PRPSAP2: variants seen among roughly 807,000 people sequenced by gnomAD.
PRPSAP2 encodes phosphoribosyl pyrophosphate synthase-associated protein 2.
Under a neutral mutation model 40.6 loss-of-function variants are expected in PRPSAP2, and 24 were observed. The observed-to-expected ratio is 0.59, with a 90% CI of 0.43 to 0.83. PRPSAP2 has a LOEUF of 0.83. Ranked by LOEUF, PRPSAP2 falls within the 40% of genes least tolerant of loss-of-function variation. PRPSAP2 has a pLI of 0.00. For missense variants in PRPSAP2, 292 were observed against 465.6 expected, an observed-to-expected ratio of 0.63 and a Z score of 3.43; for synonymous variants, 149 against 164.7, an observed-to-expected ratio of 0.90 and a Z score of 0.73.
intron 5 of PRPSAP2, among the ~76,000 whole-genome samples, chr17:18,875,043 GGTT>G (rs577501713): frequency 3.9e-4 from 59 of 152,190 alleles, no homozygotes; most frequent in African/African-American, 1.4e-3. Flanking sequence ...AAGTCCTTCT[GGTT>G]GTTTATTTTT....
At chr17:18,868,121 T>A (rs1421808649) in intron 4 of PRPSAP2, among the ~76,000 whole-genome samples, 1 of 133,376 alleles carries the variant, frequency 7.5e-6, no homozygotes, top group East Asian at 2.1e-4. Context: ...GTCTCAAAAA[T>A]AAATAAATAA....
intron 6 of PRPSAP2, among the ~76,000 whole-genome samples, chr17:18,879,307 C>T (rs756622868): frequency 2.6e-5 from 4 of 151,782 alleles, no homozygotes; most frequent in African/African-American, 4.8e-5. Flanking sequence ...TTTTTTGAGA[C>T]GGAGTCTTGC....
chr17:18,917,371 G>C (rs2041380117), intron 9 of PRPSAP2: 1 of 150,542 alleles, frequency 6.6e-6, no homozygotes, highest in African/African-American at 2.4e-5. Context: ...GGGCAGAAAA[G>C]GCCCCTGTGG....
chr17:18,908,665 A>T, intron 8 of PRPSAP2: 1 of 722,152 alleles, frequency 1.4e-6, no homozygotes, highest in Non-Finnish European at 2.6e-6. Flanking sequence ...CGAGTGCCCC[A>T]AGCCAGAGCT....
chr17:18,871,032 T>C (rs2037823533), intron 4 of PRPSAP2, among the ~76,000 whole-genome samples: 1 of 152,050 alleles, frequency 6.6e-6, no homozygotes, highest in Non-Finnish European at 1.5e-5. Flanking sequence ...TATTTTTTAT[T>C]TTTTTGAGAT....
chr17:18,926,646 C>G (rs1261624137), intron 10 of PRPSAP2, among the ~76,000 whole-genome samples: 4 of 152,130 alleles, frequency 2.6e-5, no homozygotes, highest in Non-Finnish European at 5.9e-5. Context: ...TACACAGGGA[C>G]ATCCTGTGTA....
chr17:18,870,824 A>T (rs2037805185), intron 4 of PRPSAP2, among the ~76,000 whole-genome samples: 2 of 150,794 alleles, frequency 1.3e-5, no homozygotes. Context: ...AAAAAAAAAA[A>T]GAAAAGGAAA....
intron 1 of PRPSAP2, among the ~76,000 whole-genome samples, chr17:18,859,938 G>T (rs1013288340): frequency 1.3e-5 from 2 of 152,092 alleles, no homozygotes; most frequent in East Asian, 3.9e-4. Context: ...TAGAGACAGG[G>T]TGTCACCACG....
At chr17:18,930,440 C>T (rs1317526287) in intron 11 of PRPSAP2, 100 bp from the exon 12 acceptor site, 4 of 1,142,596 alleles carry the variant, frequency 3.5e-6, no homozygotes, top group South Asian at 3.2e-5. Flanking sequence ...GTTTTCCTGT[C>T]GTGGCAAGCC....
intron 9 of PRPSAP2, among the ~76,000 whole-genome samples, chr17:18,918,758 C>G (rs939518953): frequency 1.3e-5 from 2 of 152,070 alleles, no homozygotes. Flanking sequence ...CTACATGTGG[C>G]TCCTGCACAC....
intron 6 of PRPSAP2, among the ~76,000 whole-genome samples, chr17:18,880,454 A>G (rs2038649907): frequency 6.6e-6 from 1 of 151,808 alleles, no homozygotes; most frequent in Non-Finnish European, 1.5e-5. Context: ...GCTGGGGTGC[A>G]GTGGTGTGAT....
At position 18,892,727 on chromosome 17, in the gene PRPSAP2, G is replaced by T. The variant is rs368082413; in HGVS notation, c.584+2850G>T. Among the ~76,000 whole-genome samples, 942 of 126,678 alleles carry T rather than the reference G, an allele frequency of 7.4e-3. 18 individuals are homozygous for T. Among genetic ancestry groups the T allele is most frequent in the African/African-American group, 0.017 (556 of 33,146 alleles). 83.1% of individuals were successfully genotyped at this position (126,678 alleles called of 152,430 possible). ...TGTGTGTGTGTGTGTGTGTGTGTGT[G>T]TATTTATTTATTTATTTATTTTTTT... On this transcript the variant is annotated intron_variant, in intron 8 of 11. Transcript: ENST00000268835.
intron 8 of PRPSAP2, chr17:18,904,900 C>T (rs527402468): frequency 6.6e-6 from 1 of 152,226 alleles, no homozygotes; most frequent in Non-Finnish European, 1.5e-5. Flanking sequence ...AACAAAATGA[C>T]ACAGAGAAAC....
intron 8 of PRPSAP2, among the ~76,000 whole-genome samples, chr17:18,895,040 C>T (rs1246207785): frequency 1.4e-5 from 2 of 146,878 alleles, no homozygotes; most frequent in Non-Finnish European, 1.5e-5. Flanking sequence ...TCTTTGATTT[C>T]TGTCATCAGA....
At position 18,865,599 on chromosome 17, in the gene PRPSAP2, A is replaced by G. The variant is rs2037369544; in HGVS notation, c.-33+35A>G. 3 of 211,276 alleles carry G rather than the reference A, an allele frequency of 1.4e-5. No homozygotes were observed. The East Asian group carries it at 2.9e-4, about 20-fold the overall frequency. The allele number at this position is 211,276 out of a possible 1,614,324, so 13.1% of individuals were successfully genotyped here. On this transcript the variant is annotated intron_variant, in intron 2 of 11. Coordinates refer to ENST00000268835, the MANE Select transcript of PRPSAP2 (RefSeq NM_002767.4). ...TCATTTCTTCTTAGTGGTTGTGAAC[A>G]TCATGTGATAATGTATTTCCATAAA... is the stretch of plus-strand genomic sequence containing the variant.
chr17:18,890,078 C>G (rs1597622771), intron 8 of PRPSAP2, among the ~76,000 whole-genome samples: 1 of 151,762 alleles, frequency 6.6e-6, no homozygotes, highest in African/African-American at 2.4e-5. Context: ...TTTTCCAATC[C>G]CACTCTATGA....
At chr17:18,887,762 C>G (rs1157436336) in intron 7 of PRPSAP2, among the ~76,000 whole-genome samples, 1 of 151,776 alleles carries the variant, frequency 6.6e-6, no homozygotes, top group East Asian at 1.9e-4. Context: ...CAGCCAGCTA[C>G]TGGGTTTCTT....
chr17:18,930,050 T>C (rs1388644533), intron 11 of PRPSAP2, among the ~76,000 whole-genome samples: 1 of 152,130 alleles, frequency 6.6e-6, no homozygotes, highest in African/African-American at 2.4e-5. Context: ...ATACCTATCC[T>C]AGTGGGTGTG....
At position 18,911,216 on chromosome 17, in the gene PRPSAP2, G is replaced by A. The variant is rs761118277; in HGVS notation, c.698G>A (p.Ser233Asn). The A allele has an allele frequency of 1.2e-6, 2 of 1,613,356 alleles. No homozygotes were observed. Among genetic ancestry groups the A allele is most frequent in the Non-Finnish European group, 1.7e-6 (2 of 1,179,436 alleles). Reference sequence around the variant, plus strand: ...CGGCATTCCCCACCCATGGTCAGAAGTGTGGCTGCCATCCACCCCAGCCTG... The same window carrying A: ...CGGCATTCCCCACCCATGGTCAGAAATGTGGCTGCCATCCACCCCAGCCTG... ...DGRHSPPMVRSVAAIHPSLEI... is the reference protein window; with the variant it reads ...DGRHSPPMVRNVAAIHPSLEI... Residue 233 changes from serine to asparagine, a missense_variant, in exon 9 of 12, where the codon AGT (serine) becomes AAT (asparagine). Ser to Asn is a conservative substitution (Grantham distance 46). Around this residue, in one of 2 missense-constraint regions of PRPSAP2, gnomAD observed 241 missense variants for 425.7 expected, o/e 0.57. Coordinates refer to ENST00000268835, the MANE Select transcript of PRPSAP2 (RefSeq NM_002767.4). This position sits in a 1 kb window ranked among gnomAD's most constrained non-coding sequence, Gnocchi z 4.5.
Sources: gnomAD v4.1 joint callset for allele counts (sites outside exome capture counted in the v4.1 genomes callset) on GRCh38, gnomAD v4.1.1 for gene constraint, gnomAD v4.1.1 regional missense constraint, Gnocchi (gnomAD v3.1) non-coding constraint, MANE v1.5 for transcripts, NCBI Gene and HGNC (gene_info 2026-07-23, HGNC 2026-07-21) for gene names.